TMTC2: variants seen among roughly 807,000 people sequenced by gnomAD.
TMTC2 encodes protein O-mannosyl-transferase TMTC2.
TMTC2 carries 43 observed loss-of-function variants against 82.4 expected under a neutral mutation model. The ratio of observed to expected loss-of-function variants is 0.52; its 90% confidence interval spans 0.41 to 0.67. TMTC2 has a LOEUF of 0.67. Among genes scored for constraint, TMTC2 ranks in the 30% least tolerant of loss-of-function variants. TMTC2 has a pLI of 0.00. For missense variants in TMTC2, 919 were observed against 1,012.4 expected (o/e 0.91, Z 1.25); for synonymous variants, 408 against 381.9 (o/e 1.07, Z -0.80).
chr12:82,750,100 A>G (rs1221928189), intron 1 of TMTC2, among the ~76,000 whole-genome samples: 1 of 152,282 alleles, frequency 6.6e-6, no homozygotes, highest in South Asian at 2.1e-4. Context: ...ACAGAAAAAC[A>G]TACAGTAGCC....
intron 2 of TMTC2, among the ~76,000 whole-genome samples, chr12:82,867,733 G>T (rs1336517554): frequency 6.6e-6 from 1 of 152,092 alleles, no homozygotes; most frequent in East Asian, 1.9e-4. Context: ...AAAGTTACAT[G>T]AAAACCTTAT....
chr12:82,843,718 C>A (rs528803625), intron 1 of TMTC2, among the ~76,000 whole-genome samples: 1 of 151,906 alleles, frequency 6.6e-6, no homozygotes, highest in Non-Finnish European at 1.5e-5. Context: ...GAGTCCGGGG[C>A]GGGTGGATCA....
chr12:82,952,804 C>T lies in TMTC2; in HGVS notation c.1599-12220C>T, dbSNP rs143879909. 7.5e-3 allele frequency among the ~76,000 whole-genome samples: 1,137 copies of T among 152,158 alleles called. 16 individuals carry two copies. Among genetic ancestry groups the T allele is most frequent in the African/African-American group, 0.026 (1,068 of 41,510 alleles). On this transcript the variant is annotated intron_variant, in intron 4 of 11. Coordinates refer to ENST00000321196, the MANE Select transcript of TMTC2 (RefSeq NM_152588.3). ...GCCAGGCTGGTCTCGAACTCCTGAC[C>T]TCAGGTGATCCACCCACCTCGGCCT...
intron 4 of TMTC2, among the ~76,000 whole-genome samples, chr12:82,954,303 C>G (rs1877502456): frequency 6.6e-6 from 1 of 152,090 alleles, no homozygotes; most frequent in Admixed American, 6.6e-5. Context: ...GGAACTTCAC[C>G]TCACCTGTTC....
chr12:82,948,806 T>C (rs1877180345), intron 4 of TMTC2, among the ~76,000 whole-genome samples: 1 of 152,112 alleles, frequency 6.6e-6, no homozygotes. Context: ...TTTTTTCTTT[T>C]TGTAATTTTT....
intron 1 of TMTC2, among the ~76,000 whole-genome samples, chr12:82,770,801 ATTATC>A (rs1877254042): frequency 1.3e-5 from 2 of 152,146 alleles, no homozygotes; most frequent in Non-Finnish European, 2.9e-5. Context: ...ACTATCTAAA[ATTATC>A]TTATTAGTTG....
At chr12:83,038,237 TG>T (rs1373135393) in intron 9 of TMTC2, among the ~76,000 whole-genome samples, 1 of 151,720 alleles carries the variant, frequency 6.6e-6, no homozygotes, top group Non-Finnish European at 1.5e-5. Context: ...TGTATACGTA[TG>T]TAACTAACCT....
At chr12:82,849,835 C>G (rs1870879962) in intron 1 of TMTC2, among the ~76,000 whole-genome samples, 1 of 152,100 alleles carries the variant, frequency 6.6e-6, no homozygotes, top group African/African-American at 2.4e-5. Flanking sequence ...TTGCCTTTAT[C>G]TCCTTGATTT....
intron 2 of TMTC2, among the ~76,000 whole-genome samples, chr12:82,869,296 T>C (rs1237795579): frequency 6.6e-6 from 1 of 152,088 alleles, no homozygotes; most frequent in African/African-American, 2.4e-5. Flanking sequence ...TTTGGTCTAC[T>C]TACTTTTGTT....
rs1882322095 is a variant in TMTC2 at position 83,050,942 on chromosome 12, G to A, written c.2191G>A (p.Ala731Thr). 1 of 1,613,164 alleles carries A rather than the reference G, an allele frequency of 6.2e-7. No homozygotes were observed. The highest frequency in any genetic ancestry group is 1.1e-5 in the South Asian group (1 of 91,014). ...LLEEARLIEA[A>T]EMAKKAAELD... ...GGAAGAAGCTCGTCTCATAGAAGCA[G>A]CTGAGATGGCAAAAAAAGCAGCTGA... The change falls in exon 10 of 12, where the codon GCT (alanine) becomes ACT (threonine). Residue 731 changes from alanine (A) to threonine (T), a missense_variant. Physicochemically the swap from Ala to Thr is moderately conservative, Grantham distance 58. Transcript: ENST00000321196.
intron 1 of TMTC2, among the ~76,000 whole-genome samples, chr12:82,844,759 A>T (rs1565775306): frequency 6.6e-6 from 1 of 150,846 alleles, no homozygotes; most frequent in African/African-American, 2.4e-5. Flanking sequence ...CCGAGATCGC[A>T]TCACTGCACT....
intron 3 of TMTC2, among the ~76,000 whole-genome samples, chr12:82,919,892 G>T (rs1329104104): frequency 6.6e-6 from 1 of 152,166 alleles, no homozygotes; most frequent in Non-Finnish European, 1.5e-5. Flanking sequence ...CTCTCAGACT[G>T]GCATCGTACA....
At chr12:83,083,178 G>A (rs1388909407) in intron 11 of TMTC2, among the ~76,000 whole-genome samples, 1 of 152,160 alleles carries the variant, frequency 6.6e-6, no homozygotes, top group Non-Finnish European at 1.5e-5. Flanking sequence ...TACATTACAG[G>A]AATTTGTCTG....
At chr12:83,024,959 C>T (rs948607424) in intron 8 of TMTC2, among the ~76,000 whole-genome samples, 1 of 152,122 alleles carries the variant, frequency 6.6e-6, no homozygotes, top group African/African-American at 2.4e-5. Flanking sequence ...TGGGAGGCCA[C>T]GGCAGCTGGA....
At chr12:82,939,766 T>C (rs1876603364) in intron 4 of TMTC2, among the ~76,000 whole-genome samples, 1 of 152,118 alleles carries the variant, frequency 6.6e-6, no homozygotes, top group African/African-American at 2.4e-5. Context: ...CCTACTATGA[T>C]ATGTAGGAAA....
chr12:82,810,517 A>T (rs1038249839), intron 1 of TMTC2, among the ~76,000 whole-genome samples: 3 of 152,048 alleles, frequency 2.0e-5, no homozygotes, highest in Non-Finnish European at 4.4e-5. Flanking sequence ...TTGACCCCAA[A>T]ATTGGGTCTG....
At chr12:82,772,498 C>A (rs934529984) in intron 1 of TMTC2, among the ~76,000 whole-genome samples, 10 of 152,182 alleles carry the variant, frequency 6.6e-5, no homozygotes, top group Non-Finnish European at 1.3e-4. Flanking sequence ...AGAACCCAGT[C>A]AACTCTTGTG....
At chr12:82,764,000 A>G (rs186717953) in intron 1 of TMTC2, among the ~76,000 whole-genome samples, 15 of 152,364 alleles carry the variant, frequency 9.8e-5, no homozygotes, top group Admixed American at 3.9e-4. Context: ...GAATATTAAT[A>G]TATCATACTG....
intron 1 of TMTC2, among the ~76,000 whole-genome samples, chr12:82,702,732 G>T (rs1309363176): frequency 1.3e-5 from 2 of 152,180 alleles, no homozygotes; most frequent in Non-Finnish European, 2.9e-5. Context: ...TTTGAGACTG[G>T]CCTGGGCAAC....
Sources: gnomAD v4.1 joint callset for allele counts (sites outside exome capture counted in the v4.1 genomes callset) on GRCh38, gnomAD v4.1.1 for gene constraint, MANE v1.5 for transcripts, NCBI Gene and HGNC (gene_info 2026-07-23, HGNC 2026-07-21) for gene names.